The following ECE1 variants were observed in gnomAD, a reference collection of about 807,000 sequenced individuals.
The protein encoded by ECE1 is endothelin converting enzyme 1, also known as endothelin-converting enzyme 1.
In ECE1, 35 loss-of-function variants were observed where a neutral mutation model predicts 98.6. The ratio of observed to expected loss-of-function variants is 0.35; its 90% CI spans 0.27 to 0.47. ECE1 has a LOEUF of 0.47. ECE1 is among the 20% of genes least tolerant of loss of function. ECE1 has a pLI of 1.00. For synonymous variants in ECE1, 394 were observed against 407.1 expected (o/e 0.97, Z 0.39); for missense variants, 814 against 1,025.3 (o/e 0.79, Z 2.81).
intron 1 of ECE1, among the ~76,000 whole-genome samples, chr1:21,306,472 GA>G (rs1249428993): frequency 6.6e-6 from 1 of 152,028 alleles, no homozygotes; most frequent in Non-Finnish European, 1.5e-5. Flanking sequence ...GAGTAGCTGG[GA>G]TTACAGGTGC....
chr1:21,287,875 G>C (rs1208744437), intron 2 of ECE1, among the ~76,000 whole-genome samples: 1 of 152,030 alleles, frequency 6.6e-6, no homozygotes, highest in Non-Finnish European at 1.5e-5. Flanking sequence ...CAAGTGGCAG[G>C]ATTACTGCTC....
chr1:21,300,687 T>G (rs1638464621), intron 1 of ECE1, among the ~76,000 whole-genome samples: 1 of 152,174 alleles, frequency 6.6e-6, no homozygotes, highest in Admixed American at 6.5e-5. Flanking sequence ...CTGCCCGCCT[T>G]GGCCTCCCAA....
intron 3 of ECE1, among the ~76,000 whole-genome samples, chr1:21,274,610 G>A (rs1351258009): frequency 1.3e-5 from 2 of 152,272 alleles, no homozygotes; most frequent in South Asian, 2.1e-4. Flanking sequence ...AAGAACGCAC[G>A]AGCTAGTATG....
In ECE1 at chr1:21,219,449, T is replaced by C. The variant is rs2103195595; in HGVS notation, c.*506A>G. The stretch of plus-strand genomic sequence containing the variant: ...TGCCTCAGCCCAGCCTCACAGGGAG[T>C]GGGGAAGAGAGGGAGTAAATCAGTG... On this transcript the variant is annotated 3_prime_UTR_variant, in exon 19 of 19. Transcript: ENST00000374893. The surrounding 1 kb of genome is among the most constrained non-coding windows in gnomAD (Gnocchi z 4.5). 1 of 165,616 alleles carries C rather than the reference T, an allele frequency of 6.0e-6. No homozygotes were observed. The highest frequency in any genetic ancestry group is 1.6e-4 in the South Asian group (1 of 6,442). The allele number at this position is 165,616 out of a possible 1,614,324, so 10.3% of individuals were successfully genotyped here.
chr1:21,219,016 G>A lies in ECE1; in HGVS notation c.*939C>T, dbSNP rs2098164146. 1 of 152,348 alleles carries A rather than the reference G, an allele frequency of 6.6e-6. No homozygotes were observed. The highest frequency in any genetic ancestry group is 1.5e-5 in the Non-Finnish European group (1 of 68,142). The allele number at this position is 152,348 out of a possible 1,614,324, so 9.4% of individuals were successfully genotyped here. ...GATAGACATGGGACAGCCCGAAAAG[G>A]TGGGACTGAGAGGGGACACTTGTGG... On this transcript the variant is annotated 3_prime_UTR_variant, in exon 19 of 19. Transcript: ENST00000374893. The surrounding 1 kb of genome is among the most constrained non-coding windows in gnomAD (Gnocchi z 4.5).
intron 1 of ECE1, among the ~76,000 whole-genome samples, chr1:21,336,496 A>T (rs1639307128): frequency 1.3e-5 from 2 of 151,988 alleles, no homozygotes; most frequent in Non-Finnish European, 2.9e-5. Flanking sequence ...GGAGTTCGAG[A>T]CCAGGCTGGC....
At chr1:21,313,936 C>T (rs1179080942) in intron 1 of ECE1, among the ~76,000 whole-genome samples, 2 of 152,148 alleles carry the variant, frequency 1.3e-5, no homozygotes, top group Non-Finnish European at 2.9e-5. Context: ...TGGGTTCAAC[C>T]TGAGCAGTAG....
intron 8 of ECE1, among the ~76,000 whole-genome samples, chr1:21,253,230 T>C (rs2098215056): frequency 6.6e-6 from 1 of 151,832 alleles, no homozygotes; most frequent in Admixed American, 6.6e-5. Flanking sequence ...CTAATTTTTG[T>C]ATTTTTAGTA....
intron 17 of ECE1, among the ~76,000 whole-genome samples, chr1:21,222,674 C>A (rs2098168958): frequency 6.6e-6 from 1 of 151,780 alleles, no homozygotes; most frequent in African/African-American, 2.4e-5. Flanking sequence ...AACCCCATCT[C>A]TACTAAAAAT....
At chr1:21,262,852 C>T (rs537825609) in intron 4 of ECE1, among the ~76,000 whole-genome samples, 1 of 152,230 alleles carries the variant, frequency 6.6e-6, no homozygotes, top group African/African-American at 2.4e-5. Context: ...CGCTCACTTG[C>T]TTTCCCACAT....
intron 10 of ECE1, among the ~76,000 whole-genome samples, chr1:21,241,455 C>T (rs553210884): frequency 1.4e-5 from 2 of 142,060 alleles, no homozygotes; most frequent in African/African-American, 2.7e-5. Flanking sequence ...TGCAGTCTTG[C>T]TCCGTCTATC....
At chr1:21,297,082 C>G (rs1264365155) in intron 1 of ECE1, among the ~76,000 whole-genome samples, 2 of 152,224 alleles carry the variant, frequency 1.3e-5, no homozygotes, top group Non-Finnish European at 2.9e-5. Flanking sequence ...GCCAACCACT[C>G]TGGCGTGGCC....
chr1:21,325,316 G>A (rs1639054791), intron 1 of ECE1, among the ~76,000 whole-genome samples: 1 of 152,220 alleles, frequency 6.6e-6, no homozygotes. Context: ...AGCGTCTCGA[G>A]CGGTTCCCCT....
At chr1:21,231,008 AG>A (rs529342932) in intron 14 of ECE1, among the ~76,000 whole-genome samples, 160 of 151,608 alleles carry the variant, frequency 1.1e-3, no homozygotes, top group African/African-American at 3.7e-3. Context: ...TTGTATGTTT[AG>A]TAGAGATGGG....
chr1:21,257,256 C>T (rs977128428), intron 7 of ECE1, among the ~76,000 whole-genome samples: 3 of 152,180 alleles, frequency 2.0e-5, no homozygotes, highest in African/African-American at 4.8e-5. Context: ...AAGGGCCAGG[C>T]GAATTGTGGT....
At chr1:21,312,321 C>T (rs915163505) in intron 1 of ECE1, among the ~76,000 whole-genome samples, 1 of 151,062 alleles carries the variant, frequency 6.6e-6, no homozygotes, top group Admixed American at 6.6e-5. Flanking sequence ...ACCTGTAGTC[C>T]CAGCTACTCA....
chr1:21,278,575 G>C (rs1221252871), intron 3 of ECE1, among the ~76,000 whole-genome samples: 2 of 152,242 alleles, frequency 1.3e-5, no homozygotes, highest in African/African-American at 4.8e-5. Flanking sequence ...CTATCTCAGT[G>C]CCTCAGTTTC....
intron 1 of ECE1, among the ~76,000 whole-genome samples, chr1:21,309,385 A>T (rs1638667783): frequency 6.6e-6 from 1 of 152,238 alleles, no homozygotes; most frequent in Non-Finnish European, 1.5e-5. Flanking sequence ...AAAGTGGTGA[A>T]TCACAGTACC....
In ECE1 at chr1:21,233,366, A is replaced by C; in HGVS notation, c.1670+192T>G. On this transcript the variant is annotated intron_variant, in intron 14 of 18. Transcript: ENST00000374893. This position sits in a 1 kb window ranked among gnomAD's most constrained non-coding sequence, Gnocchi z 4.0. Reference sequence around the variant, plus strand: ...CAGGCTCAAGCCCATCCCAGCTCCTAGCTGGGCCATACTTCTTTTGCCCTT... The same window carrying C: ...CAGGCTCAAGCCCATCCCAGCTCCTCGCTGGGCCATACTTCTTTTGCCCTT... 3.6e-6 allele frequency: 2 copies of C among 551,548 alleles called. No homozygotes were observed. The highest frequency in any genetic ancestry group is 2.0e-5 in the South Asian group (1 of 49,254). 34.2% of individuals were successfully genotyped at this position (551,548 alleles called of 1,614,324 possible).
Sources: allele counts gnomAD v4.1 joint callset (sites outside exome capture counted in the v4.1 genomes callset), GRCh38; gene constraint gnomAD v4.1.1; non-coding constraint Gnocchi (gnomAD v3.1); transcripts MANE v1.5; gene names NCBI Gene and HGNC (gene_info 2026-07-23, HGNC 2026-07-21).